Variants in DCDC1 observed in about 807,000 individuals in gnomAD.
The protein encoded by DCDC1 is doublecortin domain containing 1.
Under a neutral mutation model 178.3 loss-of-function variants are expected in DCDC1, and 200 were observed. That is an observed-to-expected ratio of 1.12 (90% confidence interval 1.00 to 1.26). The LOEUF is 1.26. Among genes scored for constraint, DCDC1 ranks in the 50% most tolerant of loss-of-function variants. The pLI, the probability that DCDC1 is intolerant of heterozygous loss-of-function variation, is 0.00. For synonymous variants in DCDC1, 690 were observed against 604.8 expected, an observed-to-expected ratio of 1.14 and a Z score of -2.07; for missense variants, 1,983 against 1,749.2, an observed-to-expected ratio of 1.13 and a Z score of -2.38.
At chr11:31,126,600 T>C (rs1196253944) in intron 11 of DCDC1, among the ~76,000 whole-genome samples, 1 of 152,176 alleles carries the variant, frequency 6.6e-6, no homozygotes, top group African/African-American at 2.4e-5. Context: ...GATCAAAATA[T>C]AATTTACTTC....
intron 20 of DCDC1, among the ~76,000 whole-genome samples, chr11:30,959,451 T>C (rs1393984893): frequency 2.0e-5 from 3 of 152,158 alleles, no homozygotes; most frequent in African/African-American, 4.8e-5. Context: ...CTACCAGCAC[T>C]GATTCTCTTA....
At chr11:31,217,814 A>G (rs1290542735) in intron 9 of DCDC1, among the ~76,000 whole-genome samples, 1 of 152,182 alleles carries the variant, frequency 6.6e-6, no homozygotes, top group Non-Finnish European at 1.5e-5. Context: ...CTAAAGTAAT[A>G]TCTCTTCATT....
chr11:31,324,180 C>A (rs1475623963), intron 3 of DCDC1, among the ~76,000 whole-genome samples: 1 of 151,698 alleles, frequency 6.6e-6, no homozygotes, highest in African/African-American at 2.4e-5. Context: ...AGAATATATT[C>A]AATAAGTGTT....
At position 31,034,094 on chromosome 11, in the gene DCDC1, A is replaced by T. The variant is rs1182557050; in HGVS notation, c.2591+30375T>A. ...AGGAGGCGGAGGTTGCAGTGAGCCGAGATCATGCCACTGCACTCCAGTCTG... is the reference window on the plus strand; with the variant it reads ...AGGAGGCGGAGGTTGCAGTGAGCCGTGATCATGCCACTGCACTCCAGTCTG... On this transcript the variant is annotated intron_variant, in intron 20 of 38. Transcript: ENST00000684477. Among the ~76,000 whole-genome samples, 3 of 150,192 alleles carry T rather than the reference A, an allele frequency of 2.0e-5. No homozygotes were observed. The East Asian group carries it at 5.9e-4, about 29-fold the overall frequency.
chr11:31,095,371 C>G (rs1958085112), intron 15 of DCDC1, among the ~76,000 whole-genome samples: 2 of 152,130 alleles, frequency 1.3e-5, no homozygotes, highest in African/African-American at 4.8e-5. Context: ...CACTGTCTTC[C>G]ACAGTGGTTG....
chr11:31,043,970 T>C (rs1475582651), intron 20 of DCDC1, among the ~76,000 whole-genome samples: 3 of 152,154 alleles, frequency 2.0e-5, no homozygotes, highest in African/African-American at 2.4e-5. Flanking sequence ...GTGTGGTAGA[T>C]AGAATTTTAC....
intron 10 of DCDC1, among the ~76,000 whole-genome samples, chr11:31,136,801 C>T (rs1056639857): frequency 1.3e-5 from 2 of 151,990 alleles, no homozygotes; most frequent in Admixed American, 1.3e-4. Flanking sequence ...TGTATTATTT[C>T]ATTTATGGAC....
At chr11:30,903,875 C>T (rs1944882748) in intron 31 of DCDC1, 192 bp from the exon 32 acceptor site, 1 of 420,928 alleles carries the variant, frequency 2.4e-6, no homozygotes, top group East Asian at 3.7e-5. Flanking sequence ...CCTAATTTCA[C>T]AACAGTAGTC....
rs569653893 is a variant in DCDC1, at chr11:31,131,159, G to A, written c.1315-3520C>T. ...ATTGCGCCACTGCAGTCCGCAGTCCGGCCTGGGCGACAGAGCGAGACTCCG... is the reference window on the plus strand; with the variant it reads ...ATTGCGCCACTGCAGTCCGCAGTCCAGCCTGGGCGACAGAGCGAGACTCCG... On this transcript the variant is annotated intron_variant, in intron 10 of 38. Transcript: ENST00000684477. Among the ~76,000 whole-genome samples the A allele has an allele frequency of 1.6e-4, 4 of 25,044 alleles. 1 individual carries two copies. The highest frequency in any genetic ancestry group is 3.9e-4 in the Non-Finnish European group (4 of 10,132). The allele number at this position is 25,044 out of a possible 152,430, so 16.4% of individuals were successfully genotyped here.
chr11:31,176,267 T>C (rs991132680), intron 9 of DCDC1, among the ~76,000 whole-genome samples: 14 of 152,152 alleles, frequency 9.2e-5, no homozygotes, highest in African/African-American at 3.1e-4. Flanking sequence ...AATGATATAA[T>C]TGAGAGTTTC....
intron 9 of DCDC1, among the ~76,000 whole-genome samples, chr11:31,210,279 CACTG>C (rs1182407731): frequency 3.9e-5 from 6 of 152,210 alleles, no homozygotes; most frequent in East Asian, 1.9e-4. Flanking sequence ...CATTCTATGT[CACTG>C]ACTATCAATT....
At chr11:31,017,587 A>AT (rs542611730) in intron 20 of DCDC1, among the ~76,000 whole-genome samples, 223 of 147,696 alleles carry the variant, frequency 1.5e-3, no homozygotes, top group South Asian at 2.4e-3. Flanking sequence ...TAAGTTATTA[A>AT]TTTTTTTTTT....
Position 31,229,531 on chromosome 11 carries a change from G to C in DCDC1, c.1221+11919C>G, listed in dbSNP as rs143043808. ...ATGTATATGAAAATCTCAATTATTG[G>C]AGTAAAAAGTATTTGAAAAAATATG... is the stretch of plus-strand genomic sequence containing the variant. On this transcript the variant is annotated intron_variant, in intron 9 of 38. Coordinates refer to ENST00000684477, the MANE Select transcript of DCDC1 (RefSeq NM_001387274.1). Among the ~76,000 whole-genome samples the C allele has an allele frequency of 7.8e-3, 1,193 of 152,094 alleles. 7 individuals are homozygous for C. Among genetic ancestry groups the C allele is most frequent in the Non-Finnish European group, 0.014 (948 of 67,960 alleles).
chr11:31,220,618 T>G (rs994930154), intron 9 of DCDC1, among the ~76,000 whole-genome samples: 1 of 152,208 alleles, frequency 6.6e-6, no homozygotes, highest in Non-Finnish European at 1.5e-5. Context: ...GTATTAAAAT[T>G]TTATGTAAGA....
chr11:31,121,250 G>T (rs936625447), intron 11 of DCDC1, among the ~76,000 whole-genome samples: 14 of 151,686 alleles, frequency 9.2e-5, no homozygotes. Context: ...ATATACGAGT[G>T]CACATGAAAA....
At chr11:31,271,549 C>G (rs566761737) in intron 7 of DCDC1, among the ~76,000 whole-genome samples, 62 of 152,168 alleles carry the variant, frequency 4.1e-4, no homozygotes, top group Non-Finnish European at 8.1e-4. Flanking sequence ...TCAGCCTGTT[C>G]CAGTTTGGCT....
chr11:31,279,748 C>A (rs1479730194), intron 7 of DCDC1, among the ~76,000 whole-genome samples: 1 of 152,010 alleles, frequency 6.6e-6, no homozygotes, highest in Non-Finnish European at 1.5e-5. Context: ...GGGTGGGGGG[C>A]TAGGCGAGGG....
intron 20 of DCDC1, among the ~76,000 whole-genome samples, chr11:30,987,186 T>C (rs755863635): frequency 1.1e-4 from 17 of 152,024 alleles, no homozygotes; most frequent in Non-Finnish European, 2.1e-4. Flanking sequence ...CCAGCTAATT[T>C]TTGTATTTTT....
At chr11:31,027,379 C>T (rs1270203042) in intron 20 of DCDC1, among the ~76,000 whole-genome samples, 1 of 151,724 alleles carries the variant, frequency 6.6e-6, no homozygotes, top group Non-Finnish European at 1.5e-5. Context: ...TGATACATAT[C>T]CCCAAAGAAC....
Sources: allele counts gnomAD v4.1 joint callset (sites outside exome capture counted in the v4.1 genomes callset), GRCh38; gene constraint gnomAD v4.1.1; transcripts MANE v1.5; gene names NCBI Gene and HGNC (gene_info 2026-07-23, HGNC 2026-07-21).